The following EPB41L4A variants were observed in gnomAD, a reference collection of about 807,000 sequenced individuals.
The protein encoded by EPB41L4A is band 4.1-like protein 4A.
EPB41L4A carries 100 observed loss-of-function variants against 108.6 expected under a neutral mutation model. That is an observed-to-expected ratio of 0.92 (90% CI 0.78 to 1.09). EPB41L4A has a LOEUF of 1.09. EPB41L4A is among the 50% of genes least tolerant of loss of function. EPB41L4A has a pLI of 0.00. For synonymous variants in EPB41L4A, 319 were observed against 289.0 expected, an observed-to-expected ratio of 1.10 and a Z score of -1.05; for missense variants, 1,030 against 842.7, an observed-to-expected ratio of 1.22 and a Z score of -2.75.
At chr5:112,232,915 G>C (rs1749058695) in intron 12 of EPB41L4A, among the ~76,000 whole-genome samples, 1 of 152,144 alleles carries the variant, frequency 6.6e-6, no homozygotes, top group African/African-American at 2.4e-5. Flanking sequence ...AGACAAGGGT[G>C]ATCTATAAGC....
intron 16 of EPB41L4A, among the ~76,000 whole-genome samples, chr5:112,195,143 C>G (rs1761898785): frequency 1.3e-5 from 2 of 152,118 alleles, no homozygotes; most frequent in Non-Finnish European, 2.9e-5. Flanking sequence ...CTGGTAGCTT[C>G]TGCTTCCTCC....
At chr5:112,286,403 G>A (rs1344258869) in intron 2 of EPB41L4A, among the ~76,000 whole-genome samples, 2 of 152,138 alleles carry the variant, frequency 1.3e-5, no homozygotes, top group Non-Finnish European at 2.9e-5. Flanking sequence ...GGAACCCTTG[G>A]TATCACGCAG....
chr5:112,145,898 A>G (rs564270267), exon 13 of EPB41L4A: 19 of 456,388 alleles, frequency 4.2e-5, no homozygotes, highest in Non-Finnish European at 7.5e-5. Context: ...CCCCAATATC[A>G]CTTCATCCAG....
rs184112014 is a variant in EPB41L4A at position 112,189,014 on chromosome 5, T to C, written c.1503-4879A>G. 3.6e-4 allele frequency among the ~76,000 whole-genome samples: 55 copies of C among 152,356 alleles called. 1 individual carries two copies. The South Asian group carries it at 8.7e-3, about 24-fold the overall frequency. On this transcript the variant is annotated intron_variant, in intron 17 of 22. Coordinates refer to ENST00000261486, the MANE Select transcript of EPB41L4A (RefSeq NM_022140.5). ...TAGAAAAACAATATAAAAGACCTTATGGAACATAATTAAAATATTTAAATC... is the reference window on the plus strand; with the variant it reads ...TAGAAAAACAATATAAAAGACCTTACGGAACATAATTAAAATATTTAAATC...
upstream of EPB41L4A, chr5:112,419,485 G>A: frequency 2.7e-6 from 1 of 367,884 alleles, no homozygotes. Flanking sequence ...CCTGCCGCAC[G>A]GATTTGAGCG....
chr5:112,335,968 A>C (rs1256126036), intron 1 of EPB41L4A, among the ~76,000 whole-genome samples: 3 of 151,982 alleles, frequency 2.0e-5, no homozygotes, highest in African/African-American at 7.2e-5. Context: ...ACCGTCCCCC[A>C]GTCTTTTTTA....
intron 1 of EPB41L4A, among the ~76,000 whole-genome samples, chr5:112,392,056 C>T (rs1173554509): frequency 1.3e-5 from 2 of 152,086 alleles, no homozygotes; most frequent in Non-Finnish European, 2.9e-5. Context: ...TCCTGGCTTA[C>T]AAGAGCTCCT....
At chr5:112,192,636 T>C (rs1761762220) in intron 17 of EPB41L4A, among the ~76,000 whole-genome samples, 1 of 152,188 alleles carries the variant, frequency 6.6e-6, no homozygotes, top group South Asian at 2.1e-4. Context: ...AAGAAACTCT[T>C]AAGGGAGAAA....
chr5:112,324,600 G>A (rs1048831542), intron 1 of EPB41L4A, among the ~76,000 whole-genome samples: 4 of 151,840 alleles, frequency 2.6e-5, no homozygotes, highest in African/African-American at 9.7e-5. Context: ...GAACGCGTCT[G>A]TAGTCCCAGT....
intron 1 of EPB41L4A, among the ~76,000 whole-genome samples, chr5:112,320,361 T>C (rs377743896): frequency 1.3e-5 from 2 of 152,222 alleles, no homozygotes; most frequent in African/African-American, 2.4e-5. Flanking sequence ...ATGGGTTTTA[T>C]GATACATTAT....
At chr5:112,170,867 CAGT>C in intron 19 of EPB41L4A, 75 bp downstream of exon 19, 1 of 1,311,814 alleles carries the variant, frequency 7.6e-7, no homozygotes, top group African/African-American at 1.5e-5. Context: ...AGTTGCCTCT[CAGT>C]ATCAGGAGTC....
At chr5:112,217,673 G>A (rs1747748211) in intron 12 of EPB41L4A, among the ~76,000 whole-genome samples, 1 of 152,132 alleles carries the variant, frequency 6.6e-6, no homozygotes, top group African/African-American at 2.4e-5. Context: ...ACTCCAGCCT[G>A]GTGACAGAGT....
chr5:112,375,048 C>G (rs1759725031), intron 1 of EPB41L4A, among the ~76,000 whole-genome samples: 1 of 152,136 alleles, frequency 6.6e-6, no homozygotes, highest in Admixed American at 6.6e-5. Flanking sequence ...TAATCTCCAC[C>G]CCAGATCAGC....
chr5:112,236,026 A>G (rs1749308933), intron 11 of EPB41L4A, among the ~76,000 whole-genome samples: 1 of 152,202 alleles, frequency 6.6e-6, no homozygotes, highest in South Asian at 2.1e-4. Flanking sequence ...GATAAGGCCT[A>G]CTTTCAACAG....
Position 112,346,215 on chromosome 5 carries a change from C to CTTTTTTTTTTTTTTTTTTT in EPB41L4A, c.100-38726_100-38725insAAAAAAAAAAAAAAAAAAA, listed in dbSNP as rs1479210695. On this transcript the variant is annotated intron_variant, in intron 1 of 22. Transcript: ENST00000261486. ...AAATTCTTTAAAGTTAGGTACATTG[C>CTTTTTTTTTTTTTTTTTTT]ATTTTTTTTTTTTTTTTTTTTTTTT... Among the ~76,000 whole-genome samples the CTTTTTTTTTTTTTTTTTTT allele has an allele frequency of 4.1e-4, 20 of 49,054 alleles. 1 individual carries two copies. Among genetic ancestry groups the CTTTTTTTTTTTTTTTTTTT allele is most frequent in the African/African-American group, 8.6e-4 (19 of 22,090 alleles). 32.2% of individuals were successfully genotyped at this position (49,054 alleles called of 152,430 possible).
chr5:112,413,627 G>A (rs1762535369), intron 1 of EPB41L4A, among the ~76,000 whole-genome samples: 1 of 152,194 alleles, frequency 6.6e-6, no homozygotes. Flanking sequence ...GATGTGTGAG[G>A]CACAAATAGG....
chr5:112,210,347 T>C (rs1330376043), intron 12 of EPB41L4A, among the ~76,000 whole-genome samples: 1 of 152,178 alleles, frequency 6.6e-6, no homozygotes, highest in Non-Finnish European at 1.5e-5. Flanking sequence ...TGATGACTAC[T>C]TGTGAAGAAG....
chr5:112,194,511 C>T, intron 17 of EPB41L4A, 57 bp downstream of exon 17: 1 of 1,042,580 alleles, frequency 9.6e-7, no homozygotes, highest in East Asian at 2.6e-5. Flanking sequence ...CAGTTTCTAC[C>T]ACCAAGGGCA....
At chr5:112,390,549 C>G (rs1221795880) in intron 1 of EPB41L4A, among the ~76,000 whole-genome samples, 1 of 152,178 alleles carries the variant, frequency 6.6e-6, no homozygotes, top group Non-Finnish European at 1.5e-5. Context: ...CCCAGAAACT[C>G]AAACTGGGTG....
Sources: allele counts gnomAD v4.1 joint callset (sites outside exome capture counted in the v4.1 genomes callset), GRCh38; gene constraint gnomAD v4.1.1; transcripts MANE v1.5; gene names NCBI Gene and HGNC (gene_info 2026-07-23, HGNC 2026-07-21).